MMP26: variants seen among roughly 807,000 people sequenced by gnomAD.
The protein encoded by MMP26 is matrix metalloproteinase-26.
In MMP26, 33 loss-of-function variants were observed where a neutral mutation model predicts 31.0. The ratio of observed to expected loss-of-function variants is 1.06; its 90% CI spans 0.81 to 1.42. MMP26 has a LOEUF of 1.42. MMP26 is among the 40% of genes most tolerant of loss of function. The pLI, the probability that MMP26 is intolerant of heterozygous loss-of-function variation, is 0.00. For synonymous variants in MMP26, 122 were observed against 114.9 expected, an observed-to-expected ratio of 1.06 and a Z score of -0.40; for missense variants, 347 against 316.1, an observed-to-expected ratio of 1.10 and a Z score of -0.74.
At chr11:4,935,449 T>C (rs1447442257) in intron 2 of MMP26, among the ~76,000 whole-genome samples, 2 of 151,586 alleles carry the variant, frequency 1.3e-5, no homozygotes, top group African/African-American at 2.4e-5. Context: ...TTTGCTGAAG[T>C]TGCTTATCAG....
chr11:4,733,213 G>A (rs1391364627), intron 1 of MMP26, among the ~76,000 whole-genome samples: 2 of 152,124 alleles, frequency 1.3e-5, no homozygotes, highest in Non-Finnish European at 2.9e-5. Flanking sequence ...TTTTGATGTC[G>A]ATTACATTAC....
intron 2 of MMP26, among the ~76,000 whole-genome samples, chr11:4,812,843 G>C (rs1053854387): frequency 6.6e-6 from 1 of 151,902 alleles, no homozygotes; most frequent in African/African-American, 2.4e-5. Flanking sequence ...CTGTAACTAT[G>C]TTTAGAAACA....
At chr11:4,967,303 C>A (rs1846609413) in intron 2 of MMP26, among the ~76,000 whole-genome samples, 1 of 152,288 alleles carries the variant, frequency 6.6e-6, no homozygotes, top group East Asian at 1.9e-4. Context: ...ACAAAAAAGT[C>A]TGGTCTCATT....
chr11:4,888,353 A>G (rs1199599323), intron 2 of MMP26, among the ~76,000 whole-genome samples: 3 of 152,124 alleles, frequency 2.0e-5, no homozygotes, highest in African/African-American at 7.2e-5. Context: ...AACTATAACA[A>G]TGCATATTGT....
At chr11:4,991,632 G>T in intron 6 of MMP26, 136 bp downstream of exon 6, 2 of 1,060,398 alleles carry the variant, frequency 1.9e-6, no homozygotes, top group East Asian at 2.4e-5. Flanking sequence ...TTCTTTATAA[G>T]TGAGGAGATG....
intron 2 of MMP26, among the ~76,000 whole-genome samples, chr11:4,824,194 G>T (rs1021960410): frequency 2.6e-5 from 4 of 152,030 alleles, no homozygotes; most frequent in Admixed American, 1.3e-4. Context: ...ATTTAAACAG[G>T]TTAAGGGATC....
intron 2 of MMP26, chr11:4,908,114 A>T (rs774432821): frequency 1.9e-6 from 3 of 1,613,896 alleles, no homozygotes; most frequent in Admixed American, 3.3e-5. Flanking sequence ...TGCTGTGCTC[A>T]CCTTCTATGT....
At chr11:4,932,278 C>T (rs1466543442) in intron 2 of MMP26, among the ~76,000 whole-genome samples, 1 of 152,040 alleles carries the variant, frequency 6.6e-6, no homozygotes, top group Non-Finnish European at 1.5e-5. Flanking sequence ...TCAATTGCCC[C>T]ATCAAGAGAT....
At chr11:4,899,519 A>G (rs1354909435) in intron 2 of MMP26, among the ~76,000 whole-genome samples, 2 of 152,160 alleles carry the variant, frequency 1.3e-5, no homozygotes, top group Non-Finnish European at 2.9e-5. Flanking sequence ...CAAAGGGTAA[A>G]AATGTCTCTA....
At chr11:4,982,945 T>A (rs1445790864) in intron 2 of MMP26, among the ~76,000 whole-genome samples, 1 of 152,190 alleles carries the variant, frequency 6.6e-6, no homozygotes, top group Non-Finnish European at 1.5e-5. Flanking sequence ...TGGGTTAAGA[T>A]CTCACTCCAA....
rs768170581 is a variant in MMP26, at chr11:4,803,500, A to T, written c.-145+36159A>T. The T allele has an allele frequency of 1.1e-5, 17 of 1,613,950 alleles. No homozygotes were observed. In the East Asian group the frequency reaches 2.7e-4, roughly 25 times the overall value. ...GATCTGTTTGGTTCTAACTCCATAAATGATGGGGTTGAGCATGGGAGGTAT... is the reference window on the plus strand; with the variant it reads ...GATCTGTTTGGTTCTAACTCCATAATTGATGGGGTTGAGCATGGGAGGTAT... On this transcript the variant is annotated intron_variant, in intron 2 of 7. Coordinates refer to ENST00000380390, the MANE Select transcript of MMP26 (RefSeq NM_021801.5).
chr11:4,907,115 A>AAAAAAAAAAAAAAAAAAAAAC (rs1554890101), intron 2 of MMP26, among the ~76,000 whole-genome samples: 1 of 144,816 alleles, frequency 6.9e-6, no homozygotes, highest in African/African-American at 2.6e-5. Context: ...AAAAAAAAAA[A>AAAAAAAAAAAAAAAAAAAAAC]TCCTAAAAAT....
rs71050445 is a variant in MMP26 at position 4,986,905 on chromosome 11, T to TTCTCTCTCTCTC, written c.-144-1148_-144-1137dup. Among the ~76,000 whole-genome samples, 117 of 48,632 alleles carry TTCTCTCTCTCTC rather than the reference T, an allele frequency of 2.4e-3. 10 individuals are homozygous for TTCTCTCTCTCTC. The highest frequency in any genetic ancestry group is 3.6e-3 in the Admixed American group (14 of 3,874). The allele number at this position is 48,632 out of a possible 152,430, so 31.9% of individuals were successfully genotyped here. A position where few individuals can be genotyped will look rare whatever the true frequency, so the allele number is the denominator to read the frequency against. On this transcript the variant is annotated intron_variant, in intron 2 of 7. Transcript: ENST00000380390. The stretch of plus-strand genomic sequence containing the variant: ...TCTGTGACTTCCTTCCTTCCTTCCT[T>TTCTCTCTCTCTC]TCTCTCTCTCTCTCTCTCTCTCTCT...
intron 2 of MMP26, chr11:4,833,153 G>A (rs917286266): frequency 1.3e-5 from 2 of 152,102 alleles, no homozygotes; most frequent in African/African-American, 4.8e-5. Flanking sequence ...ATAGGAAATG[G>A]TTCTATTTAC....
intron 2 of MMP26, among the ~76,000 whole-genome samples, chr11:4,864,237 T>C (rs1850204757): frequency 6.6e-6 from 1 of 152,220 alleles, no homozygotes; most frequent in Non-Finnish European, 1.5e-5. Flanking sequence ...TCATGTATAA[T>C]TTCTTGCATT....
At chr11:4,883,239 T>TTTTTTTTTCCCATCCAGCTGAACAA (rs1295952288) in intron 2 of MMP26, among the ~76,000 whole-genome samples, 3 of 10,218 alleles carry the variant, frequency 2.9e-4, no homozygotes, top group African/African-American at 6.2e-4. Flanking sequence ...GCTGAACAAT[T>TTTTTTTTTCCCATCCAGCTGAACAA]TTTTTTTTTC....
chr11:4,945,593 T>G (rs1273132726), intron 2 of MMP26: 1 of 155,238 alleles, frequency 6.4e-6, no homozygotes, highest in Admixed American at 6.3e-5. Flanking sequence ...ATGAGAGAAA[T>G]GCTGGTGACT....
chr11:4,817,736 T>G (rs1282944546), intron 2 of MMP26, among the ~76,000 whole-genome samples: 2 of 152,138 alleles, frequency 1.3e-5, no homozygotes, highest in African/African-American at 4.8e-5. Context: ...TCTGCTTCAG[T>G]CTAGTGTGAG....
At chr11:4,734,664 A>G (rs115235474) in intron 1 of MMP26, among the ~76,000 whole-genome samples, 1,738 of 152,080 alleles carry the variant, frequency 0.011, 30 homozygotes, top group African/African-American at 0.04. Context: ...GGAATGTATT[A>G]TTTAATTTTC....
Sources: allele counts gnomAD v4.1 joint callset (sites outside exome capture counted in the v4.1 genomes callset), GRCh38; gene constraint gnomAD v4.1.1; transcripts MANE v1.5; gene names NCBI Gene and HGNC (gene_info 2026-07-23, HGNC 2026-07-21).